The following FLG variants were observed in gnomAD, a reference collection of about 807,000 sequenced individuals.
FLG encodes filaggrin, also known as epidermal filaggrin.
Under a neutral mutation model 3.8 loss-of-function variants are expected in FLG, and 6 were observed. The ratio of observed to expected loss-of-function variants is 1.60; its 90% CI spans 0.87 to 3.15. The LOEUF is 3.15. Ranked by LOEUF, FLG falls within the 30% of genes most tolerant of loss-of-function variation. The pLI is 0.00. For missense variants in FLG, 7,595 were observed against 5,050.9 expected (o/e 1.50, Z -15.27); for synonymous variants, 2,551 against 1,931.6 (o/e 1.32, Z -8.41).
rs567689910 is a variant in FLG, at chr1:152,315,851, C to A, written c.-21-374G>T. Among the ~76,000 whole-genome samples, 28 of 152,316 alleles carry A rather than the reference C, an allele frequency of 1.8e-4. No individual in the cohort carries two copies. In the South Asian group the frequency reaches 5.6e-3, roughly 30 times the overall value. ...ACTTATACAAATTTACTGAAAATTA[C>A]TTCCCCAAAAGCTAACTTAATAAAT... On this transcript the variant is annotated intron_variant, in intron 1 of 2. Coordinates refer to ENST00000368799, the MANE Select transcript of FLG (RefSeq NM_002016.2).
At position 152,314,151 on chromosome 1, in the gene FLG, G is replaced by A; in HGVS notation, c.735C>T (p.Asp245=). Residue 245 remains aspartate, a synonymous_variant, in exon 3 of 3, where the codon GAC becomes GAT. Coordinates refer to ENST00000368799, the MANE Select transcript of FLG (RefSeq NM_002016.2). ...TYYTIQDEAY[D]TTDSLLEENK... is the part of the protein sequence containing the mutation. ...TTTCTTCTAATAGACTATCAGTGGTGTCATAGGCTTCATCCTGGATTGTGT... is the reference window on the plus strand; with the variant it reads ...TTTCTTCTAATAGACTATCAGTGGTATCATAGGCTTCATCCTGGATTGTGT... The A allele has an allele frequency of 6.2e-7, 1 of 1,614,158 alleles. No homozygotes were observed.
chr1:152,311,933 G>T lies in FLG; in HGVS notation c.2953C>A (p.Pro985Thr). Residue 985 changes from proline to threonine, a missense_variant, in exon 3 of 3, where the codon CCC becomes ACC. Pro to Thr is a conservative substitution (Grantham distance 38). Coordinates refer to ENST00000368799, the MANE Select transcript of FLG (RefSeq NM_002016.2). Reference protein sequence around the residue: ...QEQSRHGSRHPRSHHEDRAGH... With the variant: ...QEQSRHGSRHTRSHHEDRAGH... Reference sequence around the variant, plus strand: ...GCTCTGTCTTCGTGATGGGACCTGGGGTGTCTGGAGCCATGTCTTGACTGC... The same window carrying T: ...GCTCTGTCTTCGTGATGGGACCTGGTGTGTCTGGAGCCATGTCTTGACTGC... 1 of 1,614,026 alleles carries T rather than the reference G, an allele frequency of 6.2e-7. No individual in the cohort carries two copies. Among genetic ancestry groups the T allele is most frequent in the East Asian group, 2.2e-5 (1 of 44,856 alleles).
Position 152,310,025 on chromosome 1 carries a change from A to T in FLG, c.4861T>A (p.Ser1621Thr). The stretch of plus-strand genomic sequence containing the variant: ...CCATGTCTTGACTGCTCCCGAGCAG[A>T]TCCATAATGGTTTCTGGAAGCCGAC... ...SESASRNHYG[S>T]AREQSRHGSR... is the part of the protein sequence containing the mutation. The change falls in exon 3 of 3, where the codon TCT becomes ACT. Residue 1621 changes from serine (S) to threonine (T), a missense_variant. By Grantham distance (58) the Ser-to-Thr change is moderately conservative. Coordinates refer to ENST00000368799, the MANE Select transcript of FLG (RefSeq NM_002016.2). 6.2e-7 allele frequency: 1 copy of T among 1,613,532 alleles called. No homozygotes were observed. Among genetic ancestry groups the T allele is most frequent in the Non-Finnish European group, 8.5e-7 (1 of 1,179,922 alleles).
In FLG at chr1:152,312,956, T is replaced by C; in HGVS notation, c.1930A>G (p.Asn644Asp). 1.2e-6 allele frequency: 2 copies of C among 1,613,938 alleles called. No homozygotes were observed. Among genetic ancestry groups the C allele is most frequent in the Non-Finnish European group, 1.7e-6 (2 of 1,180,002 alleles). Reference protein sequence around the residue: ...SERWSGSASRNHHGSAQEQSR... With the variant: ...SERWSGSASRDHHGSAQEQSR... ...TGCTCCTGAGCAGATCCATGATGGT[T>C]TCTGGAAGCAGACCCAGACCACCTC... The change falls in exon 3 of 3, where the codon AAC becomes GAC. Residue 644 changes from asparagine to aspartate, a missense_variant. Physicochemically the swap from Asn to Asp is conservative, Grantham distance 23. Transcript: ENST00000368799.
At position 152,309,944 on chromosome 1, in the gene FLG, C is replaced by G. The variant is rs1652274397; in HGVS notation, c.4942G>C (p.Glu1648Gln). Residue 1648 changes from glutamate to glutamine, a missense_variant, in exon 3 of 3, where the codon GAG becomes CAG. By Grantham distance (29) the Glu-to-Gln change is conservative. Coordinates refer to ENST00000368799, the MANE Select transcript of FLG (RefSeq NM_002016.2). ...CGAGTGCCTGATTGTCTGGAGCTCTCTGCAGAGTGCCCATGACTGGCTCTA... is the reference window on the plus strand; with the variant it reads ...CGAGTGCCTGATTGTCTGGAGCTCTGTGCAGAGTGCCCATGACTGGCTCTA... ...EDRASHGHSAESSRQSGTRHA... is the reference protein window; with the variant it reads ...EDRASHGHSAQSSRQSGTRHA... 3 of 1,614,036 alleles carry G rather than the reference C, an allele frequency of 1.9e-6. No homozygotes were observed. The South Asian group carries it at 3.3e-5, about 18-fold the overall frequency.
At position 152,315,382 on chromosome 1, in the gene FLG, AGT is replaced by A; in HGVS notation, c.73_74del (p.Thr25Ter). 1 of 1,612,638 alleles carries A rather than the reference AGT, an allele frequency of 6.2e-7. No homozygotes were observed. Among genetic ancestry groups the A allele is most frequent in the Non-Finnish European group, 8.5e-7 (1 of 1,179,166 alleles). On this transcript the variant is annotated frameshift_variant, in exon 2 of 3. Transcript: ENST00000368799. LOFTEE classifies it high-confidence loss of function. The part of the protein sequence containing the change: ...FKQYSKKDKN[T>X]DTLSKKELKE... Reference sequence around the variant, plus strand: ...TCAGCTCTTTTTTACTCAATGTGTCAGTGTTTTTATCTTTTTTTGAATATTGC... The same window carrying A: ...TCAGCTCTTTTTTACTCAATGTGTCAGTTTTTATCTTTTTTTGAATATTGC...
chr1:152,313,190 T>C lies in FLG; in HGVS notation c.1696A>G (p.Ser566Gly), dbSNP rs1417124860. The C allele has an allele frequency of 3.1e-6, 5 of 1,613,898 alleles. No homozygotes were observed. The highest frequency in any genetic ancestry group is 4.2e-6 in the Non-Finnish European group (5 of 1,180,010). ...TCATTTCGTGTTTGTCTGCTTGCAC[T>C]TCTGGATCCTGACTGCCCATGGGAG... ...DASHGQSGSR[S>G]ASRQTRNEEQ... Residue 566 changes from serine to glycine, a missense_variant, in exon 3 of 3, where the codon AGT (serine) becomes GGT (glycine). Coordinates refer to ENST00000368799, the MANE Select transcript of FLG (RefSeq NM_002016.2).
Position 152,311,648 on chromosome 1 carries a change from C to A in FLG, c.3238G>T (p.Glu1080Ter), listed in dbSNP as rs537821819. ...CCTGACACTGACTGTGTGTCTGACT[C>A]CTCTGAATGTCCCTCACTATCACTG... Reference protein sequence around the residue: ...QASDSEGHSEESDTQSVSGHG... With the variant: ...QASDSEGHSE The change falls in exon 3 of 3, where the codon GAG becomes TAG. Residue 1080 changes from glutamate to a stop codon, truncating the protein, a stop_gained. Coordinates refer to ENST00000368799, the MANE Select transcript of FLG (RefSeq NM_002016.2). LOFTEE classifies it low-confidence loss of function (END_TRUNC). The A allele has an allele frequency of 1.9e-6, 3 of 1,614,136 alleles. No individual in the cohort carries two copies. The highest frequency in any genetic ancestry group is 1.3e-5 in the African/African-American group (1 of 75,028).
At chr1:152,322,565 G>T (rs1373579490) in intron 1 of FLG, among the ~76,000 whole-genome samples, 2 of 150,832 alleles carry the variant, frequency 1.3e-5, no homozygotes, top group African/African-American at 4.8e-5. Flanking sequence ...GATATGAAAT[G>T]GCTGTACTCA....
In FLG at chr1:152,308,543, G is replaced by T. The variant is rs1168517932; in HGVS notation, c.6343C>A (p.Gln2115Lys). 6.2e-7 allele frequency: 1 copy of T among 1,614,030 alleles called. No individual in the cohort carries two copies. The highest frequency in any genetic ancestry group is 1.3e-5 in the African/African-American group (1 of 75,016). Residue 2115 changes from glutamine to lysine, a missense_variant, in exon 3 of 3, where the codon CAA becomes AAA. Physicochemically the swap from Gln to Lys is moderately conservative, Grantham distance 53. Transcript: ENST00000368799. ...TGTGCCTGATCATAATGGGATCCTTGTCTTCCTCCAGTGCTGGGCGCAGAC... is the reference window on the plus strand; with the variant it reads ...TGTGCCTGATCATAATGGGATCCTTTTCTTCCTCCAGTGCTGGGCGCAGAC... ...GQSAPSTGGR[Q>K]GSHYDQAQDS...
At position 152,311,306 on chromosome 1, in the gene FLG, G is replaced by A. The variant is rs758466098; in HGVS notation, c.3580C>T (p.His1194Tyr). ...CCCTGGGATGTGGTGTGGCTGTGAT[G>A]GGACCCTGAGTGTCCAGATCTATCT... ...SVDRSGHSGS[H>Y]HSHTTSQGRS... The change falls in exon 3 of 3, where the codon CAT (histidine) becomes TAT (tyrosine). Residue 1194 changes from histidine to tyrosine, a missense_variant. Physicochemically the swap from His to Tyr is moderately conservative, Grantham distance 83 (BLOSUM62 2). Coordinates refer to ENST00000368799, the MANE Select transcript of FLG (RefSeq NM_002016.2). 6.8e-6 allele frequency: 11 copies of A among 1,613,784 alleles called. No individual in the cohort carries two copies. In the Admixed American group the frequency reaches 1.8e-4, roughly 27 times the overall value.
intron 1 of FLG, among the ~76,000 whole-genome samples, chr1:152,316,274 G>C (rs574108395): frequency 2.2e-4 from 34 of 152,184 alleles, no homozygotes; most frequent in African/African-American, 7.9e-4. Flanking sequence ...TTTGGTAAGA[G>C]GAATTAGATA....
In FLG at chr1:152,308,805, A is replaced by T; in HGVS notation, c.6081T>A (p.Ala2027=). ...GTCCACTGTCTCTGACTGCAGATGAAGCTTGTCCATGCCCAATGCCTGAGT... is the reference window on the plus strand; with the variant it reads ...GTCCACTGTCTCTGACTGCAGATGATGCTTGTCCATGCCCAATGCCTGAGT... ...SRHSGIGHGQ[A]SSAVRDSGHR... Residue 2027 remains alanine (A), a synonymous_variant, in exon 3 of 3, where the codon GCT becomes GCA. Coordinates refer to ENST00000368799, the MANE Select transcript of FLG (RefSeq NM_002016.2). The T allele has an allele frequency of 6.2e-7, 1 of 1,613,988 alleles. No individual in the cohort carries two copies. Among genetic ancestry groups the T allele is most frequent in the Non-Finnish European group, 8.5e-7 (1 of 1,179,980 alleles).
rs200738705 is a variant in FLG, at chr1:152,313,616, C to T, written c.1270G>A (p.Asp424Asn). 3.7e-6 allele frequency: 6 copies of T among 1,614,124 alleles called. No individual in the cohort carries two copies. The highest frequency in any genetic ancestry group is 4.2e-6 in the Non-Finnish European group (5 of 1,180,026). Residue 424 changes from aspartate to asparagine, a missense_variant, in exon 3 of 3, where the codon GAC becomes AAC. Asp to Asn is a conservative substitution (Grantham distance 23). Transcript: ENST00000368799. The part of the protein sequence containing the change: ...HRGSSGSQAS[D>N]SEGHSENSDT... ...GAGTTTTCTGAATGTCCCTCACTGT[C>T]ACTGGCCTGACTACCGCTAGACCCC...
chr1:152,308,301 G>A lies in FLG; in HGVS notation c.6585C>T (p.Asp2195=), dbSNP rs779185823. 1 of 1,613,566 alleles carries A rather than the reference G, an allele frequency of 6.2e-7. No homozygotes were observed. Among genetic ancestry groups the A allele is most frequent in the East Asian group, 2.2e-5 (1 of 44,856 alleles). Residue 2195 remains aspartate, a synonymous_variant, in exon 3 of 3, where the codon GAC becomes GAT. Coordinates refer to ENST00000368799, the MANE Select transcript of FLG (RefSeq NM_002016.2). ...GSRSASRKTY[D]KEQSGDGSRH... ...TAGAGCCATCTCCTGATTGTTCCTT[G>A]TCATATGTTTTTCTGCTTGCACTTC... is the stretch of plus-strand genomic sequence containing the variant.
At position 152,308,262 on chromosome 1, in the gene FLG, C is replaced by G. The variant is rs144679024; in HGVS notation, c.6624G>C (p.Ser2208=). Residue 2208 remains serine, a synonymous_variant, in exon 3 of 3, where the codon TCG becomes TCC. Coordinates refer to ENST00000368799, the MANE Select transcript of FLG (RefSeq NM_002016.2). ...CCCAAGAGGAAGCTTCATGATGATG[C>G]GACCCTGAGTGCCTAGAGCCATCTC... ...QSGDGSRHSG[S]HHHEASSWAD... The G allele has an allele frequency of 1.2e-6, 2 of 1,613,952 alleles. No homozygotes were observed. The highest frequency in any genetic ancestry group is 2.2e-5 in the South Asian group (2 of 91,068).
Position 152,305,083 on chromosome 1 carries a change from G to C in FLG, c.9803C>G (p.Ala3268Gly). The change falls in exon 3 of 3, where the codon GCA becomes GGA. Residue 3268 changes from alanine to glycine, a missense_variant. Transcript: ENST00000368799. ...AGTGCCTGATTGTCTGGAGCGGTCT[G>C]CAGAGTGCCCGTGACCGGCTCTGTC... ...HEDRAGHGHS[A>G]DRSRQSGTRH... 6.2e-7 allele frequency: 1 copy of C among 1,613,920 alleles called. No homozygotes were observed. Among genetic ancestry groups the C allele is most frequent in the Non-Finnish European group, 8.5e-7 (1 of 1,179,972 alleles).
At chr1:152,315,131 G>T (rs547519418) in intron 2 of FLG, among the ~76,000 whole-genome samples, 188 bp downstream of exon 2, 1 of 151,636 alleles carries the variant, frequency 6.6e-6, no homozygotes, top group South Asian at 2.1e-4. Context: ...TTTCTCTGAG[G>T]GTGTCTTTAT....
In FLG at chr1:152,303,002, C is replaced by T; in HGVS notation, c.11884G>A (p.Gly3962Ser). ...SSSSYHYQSE[G>S]TERQKGQSGL... is the part of the protein sequence containing the mutation. The stretch of plus-strand genomic sequence containing the variant: ...GATTGACCTTTTTGCCTTTCAGTGC[C>T]CTCAGATTGATAATGATAAGAACTA... The change falls in exon 3 of 3, where the codon GGC (glycine) becomes AGC (serine). Residue 3962 changes from glycine (G) to serine (S), a missense_variant. Physicochemically the swap from Gly to Ser is moderately conservative, Grantham distance 56. Coordinates refer to ENST00000368799, the MANE Select transcript of FLG (RefSeq NM_002016.2). 6.2e-7 allele frequency: 1 copy of T among 1,614,106 alleles called. No individual in the cohort carries two copies. The highest frequency in any genetic ancestry group is 1.6e-4 in the Middle Eastern group (1 of 6,062).
Sources: gnomAD v4.1 joint callset for allele counts (sites outside exome capture counted in the v4.1 genomes callset) on GRCh38, gnomAD v4.1.1 for gene constraint, MANE v1.5 for transcripts, NCBI Gene and HGNC (gene_info 2026-07-23, HGNC 2026-07-21) for gene names.